OCA2: variants seen among roughly 807,000 people sequenced by gnomAD.
OCA2 encodes OCA2 melanosomal transmembrane protein.
In OCA2, 77 loss-of-function variants were observed where a neutral mutation model predicts 100.2. The observed-to-expected ratio is 0.77, with a 90% CI of 0.64 to 0.93. The LOEUF (loss-of-function observed/expected upper bound fraction) is 0.93. OCA2 is among the 40% of genes least tolerant of loss of function. The pLI is 0.00. For missense variants in OCA2, 1,062 were observed against 1,089.1 expected (o/e 0.98, Z 0.35); for synonymous variants, 432 against 439.2 (o/e 0.98, Z 0.21).
chr15:27,880,964 C>T (rs1460331318), intron 19 of OCA2, among the ~76,000 whole-genome samples: 1 of 152,096 alleles, frequency 6.6e-6, no homozygotes, highest in Non-Finnish European at 1.5e-5. Context: ...CCAGCTTTTG[C>T]CCCTTGTCTA....
At chr15:28,042,043 G>GCAT (rs1157759183) in intron 2 of OCA2, among the ~76,000 whole-genome samples, 1 of 152,178 alleles carries the variant, frequency 6.6e-6, no homozygotes, top group African/African-American at 2.4e-5. Context: ...TGGTTGGTGA[G>GCAT]CATACAGGGG....
intron 10 of OCA2, 151 bp from the exon 11 acceptor site, chr15:27,989,817 A>G (rs1338284602): frequency 2.7e-6 from 2 of 729,512 alleles, no homozygotes; most frequent in East Asian, 2.7e-5. Flanking sequence ...GTTGGATTAT[A>G]TCGCTGCTGA....
At chr15:27,842,647 A>T (rs2151371551) in intron 23 of OCA2, among the ~76,000 whole-genome samples, 1 of 152,330 alleles carries the variant, frequency 6.6e-6, no homozygotes, top group South Asian at 2.1e-4. Context: ...GGCAAAAACA[A>T]GGAAGGAACT....
intron 14 of OCA2, among the ~76,000 whole-genome samples, chr15:27,973,024 C>A (rs1410475901): frequency 6.6e-6 from 1 of 151,786 alleles, no homozygotes; most frequent in Admixed American, 6.6e-5. Context: ...CACCACCACG[C>A]CCAGCTATTT....
chr15:28,090,928 G>A (rs2044859974), intron 1 of OCA2, among the ~76,000 whole-genome samples: 1 of 151,900 alleles, frequency 6.6e-6, no homozygotes, highest in African/African-American at 2.4e-5. Flanking sequence ...AAATATCAAT[G>A]GAATTAACAA....
rs116725508 is a variant in OCA2, at chr15:28,039,891, G to A, written c.228-7728C>T. On this transcript the variant is annotated intron_variant, in intron 2 of 23. Coordinates refer to ENST00000354638, the MANE Select transcript of OCA2 (RefSeq NM_000275.3). Reference sequence around the variant, plus strand: ...CTGCTAAAAATAAAAAAATAGCCGGGTGTGGTCGCACGCACCTATAATCCC... The same window carrying A: ...CTGCTAAAAATAAAAAAATAGCCGGATGTGGTCGCACGCACCTATAATCCC... 5.7e-3 allele frequency among the ~76,000 whole-genome samples: 869 copies of A among 152,208 alleles called. 12 individuals carry two copies. The highest frequency in any genetic ancestry group is 0.019 in the African/African-American group (805 of 41,532).
intron 1 of OCA2, 112 bp from the exon 2 acceptor site, chr15:28,082,007 T>C: frequency 1.1e-6 from 1 of 874,762 alleles, no homozygotes. Flanking sequence ...GGTCCCAGAG[T>C]TCCAGCATCC....
At chr15:27,890,357 C>A (rs2037405318) in intron 19 of OCA2, among the ~76,000 whole-genome samples, 1 of 152,166 alleles carries the variant, frequency 6.6e-6, no homozygotes, top group Non-Finnish European at 1.5e-5. Context: ...AGAAGATGAA[C>A]AAACCCTAGG....
chr15:27,955,040 A>G, intron 17 of OCA2, 118 bp downstream of exon 17: 1 of 821,722 alleles, frequency 1.2e-6, no homozygotes, highest in Non-Finnish European at 2.1e-6. Context: ...CGTCTTGTGT[A>G]TAACCACAGA....
At chr15:28,096,708 T>C (rs1421374049) in intron 1 of OCA2, among the ~76,000 whole-genome samples, 2 of 152,170 alleles carry the variant, frequency 1.3e-5, no homozygotes, top group African/African-American at 4.8e-5. Flanking sequence ...AAGCCAAACA[T>C]CGTGGCTTTC....
chr15:27,736,814 T>C, the OCA2 span, among the ~76,000 whole-genome samples: 1,248 of 152,296 alleles, frequency 8.2e-3, 32 homozygotes, highest in South Asian at 8.7e-3. Flanking sequence ...CACTATGAAT[T>C]TGGGCATGAT....
intron 2 of OCA2, among the ~76,000 whole-genome samples, chr15:28,060,836 A>G (rs2043851029): frequency 6.6e-6 from 1 of 152,152 alleles, no homozygotes; most frequent in Admixed American, 6.5e-5. Context: ...GGGCACTTCC[A>G]AATCTCCTTT....
chr15:27,845,518 G>A (rs111508805), intron 22 of OCA2, among the ~76,000 whole-genome samples: 33 of 152,264 alleles, frequency 2.2e-4, no homozygotes, highest in African/African-American at 7.7e-4. Context: ...TTTCCTTCAC[G>A]TCTTCACCAA....
intron 23 of OCA2, among the ~76,000 whole-genome samples, chr15:27,813,480 C>G (rs1232853310): frequency 1.3e-5 from 2 of 152,156 alleles, no homozygotes; most frequent in Admixed American, 6.5e-5. Flanking sequence ...TTAGCCAGCT[C>G]AAGTGACATA....
intron 18 of OCA2, among the ~76,000 whole-genome samples, chr15:27,939,485 T>C (rs1213629986): frequency 6.6e-6 from 1 of 152,242 alleles, no homozygotes; most frequent in Non-Finnish European, 1.5e-5. Flanking sequence ...CATCTCATTG[T>C]GGTTAAATTC....
chr15:27,838,922 G>A (rs1203854679), intron 23 of OCA2, among the ~76,000 whole-genome samples: 1 of 152,134 alleles, frequency 6.6e-6, no homozygotes, highest in African/African-American at 2.4e-5. Context: ...GAACACTTCA[G>A]CAAAAGGGCC....
intron 23 of OCA2, among the ~76,000 whole-genome samples, chr15:27,813,270 G>T (rs1013335050): frequency 1.6e-4 from 24 of 152,108 alleles, no homozygotes; most frequent in African/African-American, 5.3e-4. Flanking sequence ...CGGGGTCCCA[G>T]CCTAGTGGGA....
intron 23 of OCA2, among the ~76,000 whole-genome samples, chr15:27,819,213 G>A (rs945044776): frequency 6.6e-6 from 1 of 152,226 alleles, no homozygotes; most frequent in African/African-American, 2.4e-5. Context: ...TCAATCCTCT[G>A]TGAACCAGCC....
intron 15 of OCA2, 32 bp downstream of exon 15, chr15:27,966,658 C>A: frequency 6.2e-7 from 1 of 1,612,780 alleles, no homozygotes; most frequent in Non-Finnish European, 8.5e-7. Context: ...GTCATGAAAT[C>A]TGAGCCTACA....
Sources: allele counts gnomAD v4.1 joint callset (sites outside exome capture counted in the v4.1 genomes callset), GRCh38; gene constraint gnomAD v4.1.1; transcripts MANE v1.5; gene names NCBI Gene and HGNC (gene_info 2026-07-23, HGNC 2026-07-21).